Variants in RP1 observed in about 807,000 individuals in gnomAD.
RP1 encodes the protein RP1 axonemal microtubule associated, also known as oxygen-regulated protein 1.
In RP1, 16 loss-of-function variants were observed where a neutral mutation model predicts 14.8. That is an observed-to-expected ratio of 1.08 (90% CI 0.73 to 1.65). The LOEUF (loss-of-function observed/expected upper bound fraction) is 1.65. Ranked by LOEUF, RP1 falls within the 40% of genes most tolerant of loss-of-function variation. RP1 has a pLI of 0.00. For synonymous variants in RP1, 876 were observed against 883.6 expected (o/e 0.99, Z 0.15); for missense variants, 2,631 against 2,535.0 (o/e 1.04, Z -0.81).
intron 6 of RP1, among the ~76,000 whole-genome samples, chr8:54,661,877 A>G (rs1408323661): frequency 6.6e-6 from 1 of 152,034 alleles, no homozygotes; most frequent in Non-Finnish European, 1.5e-5. Context: ...TGTTCTCTCC[A>G]GTCTGCTCTT....
At chr8:54,614,401 G>T (rs550426993), upstream of RP1, among the ~76,000 whole-genome samples, 1 of 152,078 alleles carries the variant, frequency 6.6e-6, no homozygotes, top group Non-Finnish European at 1.5e-5. Flanking sequence ...CTTATCAAAG[G>T]CGGGCCAGGG....
chr8:54,636,437 C>T (rs964134233), intron 3 of RP1, among the ~76,000 whole-genome samples: 4 of 152,206 alleles, frequency 2.6e-5, no homozygotes, highest in Admixed American at 2.6e-4. Context: ...AAGAAACCAT[C>T]ATAAAAATCA....
intron 8 of RP1, chr8:54,678,322 C>T (rs1338354696): frequency 1.7e-6 from 1 of 581,356 alleles, no homozygotes; most frequent in Non-Finnish European, 2.8e-6. Context: ...TTATATTTTG[C>T]TTTATTTGAA....
intron 24 of RP1, among the ~76,000 whole-genome samples, chr8:54,784,813 T>G (rs1417154965): frequency 6.6e-6 from 1 of 152,136 alleles, no homozygotes; most frequent in Non-Finnish European, 1.5e-5. Context: ...AGTATATAAC[T>G]GTGGATCTAT....
chr8:54,821,252 AG>A (rs576094528), intron 24 of RP1, among the ~76,000 whole-genome samples: 222 of 152,334 alleles, frequency 1.5e-3, no homozygotes, highest in Admixed American at 1.9e-3. Flanking sequence ...CTGTAGTTCT[AG>A]AAAGACTATC....
At chr8:54,679,953 CT>C in intron 12 of RP1, 1 of 1,535,116 alleles carries the variant, frequency 6.5e-7, no homozygotes. Flanking sequence ...TCGTACAAAG[CT>C]TGTGGTGCTG....
At chr8:54,610,634 T>C (rs1367409963) in intron 1 of RP1, among the ~76,000 whole-genome samples, 5 of 152,190 alleles carry the variant, frequency 3.3e-5, no homozygotes, top group African/African-American at 9.7e-5. Flanking sequence ...ATCTGAATAA[T>C]TAGCAACTCC....
chr8:54,771,003 T>C (rs1436851401), downstream of RP1, among the ~76,000 whole-genome samples: 1 of 152,058 alleles, frequency 6.6e-6, no homozygotes, highest in Non-Finnish European at 1.5e-5. Flanking sequence ...TACAGTGGTT[T>C]GAAACTAGGC....
intron 25 of RP1, among the ~76,000 whole-genome samples, chr8:54,849,074 A>G (rs1265621308): frequency 6.6e-6 from 1 of 152,124 alleles, no homozygotes; most frequent in East Asian, 1.9e-4. Context: ...GAGAAGTTTC[A>G]TAATGACTGA....
intron 1 of RP1, among the ~76,000 whole-genome samples, chr8:54,586,800 C>T (rs113407467): frequency 0.19 from 29,246 of 152,220 alleles, 2,889 homozygotes; most frequent in African/African-American, 0.23. Context: ...AAGCCAGGTG[C>T]GGGATATAAT....
chr8:54,859,567 C>G (rs780721632), intron 27 of RP1, among the ~76,000 whole-genome samples: 3 of 149,364 alleles, frequency 2.0e-5, no homozygotes, highest in Non-Finnish European at 4.5e-5. Context: ...GGTGGTGTCA[C>G]TGTAGGGTAG....
At chr8:54,859,997 A>C (rs966017007) in intron 27 of RP1, among the ~76,000 whole-genome samples, 7 of 152,172 alleles carry the variant, frequency 4.6e-5, no homozygotes, top group African/African-American at 1.7e-4. Flanking sequence ...AAAAAGCCAG[A>C]ATTGAGGTGC....
At chr8:54,584,500 G>A (rs1470993856) in intron 1 of RP1, among the ~76,000 whole-genome samples, 2 of 152,202 alleles carry the variant, frequency 1.3e-5, no homozygotes, top group East Asian at 3.8e-4. Context: ...GGAGAGTTCT[G>A]CAGATGTCTA....
At chr8:54,642,349 T>A (rs1461795240) in intron 3 of RP1, among the ~76,000 whole-genome samples, 3 of 152,170 alleles carry the variant, frequency 2.0e-5, no homozygotes, top group Admixed American at 2.0e-4. Flanking sequence ...ATATAGCATG[T>A]AGTAAAAAAA....
At position 54,740,730 on chromosome 8, in the gene RP1, T is replaced by A. The variant is rs148717280; in HGVS notation, c.2808+1701T>A. Reference sequence around the variant, plus strand: ...AAGCGAGACTCTGTCTTAAAAAAAATAATAATAAAATAAGTAGAAAAAAAG... The same window carrying A: ...AAGCGAGACTCTGTCTTAAAAAAAAAAATAATAAAATAAGTAGAAAAAAAG... On this transcript the variant is annotated intron_variant, in intron 19 of 22. Transcript: ENST00000636932. Among the ~76,000 whole-genome samples the A allele has an allele frequency of 4.4e-3, 655 of 149,630 alleles. 2 individuals are homozygous for A. The highest frequency in any genetic ancestry group is 0.015 in the African/African-American group (613 of 40,582).
intron 1 of RP1, among the ~76,000 whole-genome samples, chr8:54,568,750 T>C (rs1164669036): frequency 6.6e-6 from 1 of 152,228 alleles, no homozygotes; most frequent in Admixed American, 6.5e-5. Context: ...TGGTGATGAA[T>C]GAGAACAATC....
At chr8:54,634,164 C>G (rs1419466853), downstream of RP1, among the ~76,000 whole-genome samples, 3 of 152,072 alleles carry the variant, frequency 2.0e-5, no homozygotes, top group Non-Finnish European at 4.4e-5. Flanking sequence ...ACGCTCTTGT[C>G]CATTAAGGTA....
exon 16 of RP1, chr8:54,720,244 A>G: frequency 6.5e-7 from 1 of 1,536,016 alleles, no homozygotes; most frequent in Non-Finnish European, 8.7e-7. Context: ...TCAGATGGGC[A>G]GGCAAAACCA....
At chr8:54,587,998 T>C (rs1804969589) in intron 1 of RP1, among the ~76,000 whole-genome samples, 1 of 152,230 alleles carries the variant, frequency 6.6e-6, no homozygotes, top group African/African-American at 2.4e-5. Flanking sequence ...TACAGAGCAA[T>C]GCTGTCCCAT....
Sources: allele counts gnomAD v4.1 joint callset (sites outside exome capture counted in the v4.1 genomes callset), GRCh38; gene constraint gnomAD v4.1.1; transcripts MANE v1.5; gene names NCBI Gene and HGNC (gene_info 2026-07-23, HGNC 2026-07-21).